CSMD1: variants seen among roughly 807,000 people sequenced by gnomAD.
CSMD1 encodes CUB and sushi domain-containing protein 1.
A neutral mutation model predicts 417.5 loss-of-function variants in CSMD1; 213 were observed. The ratio of observed to expected loss-of-function variants is 0.51; its 90% CI spans 0.46 to 0.57. The LOEUF (loss-of-function observed/expected upper bound fraction) is 0.57, where lower values mean the gene tolerates loss of function less well. CSMD1 is among the 20% of genes least tolerant of loss of function. The probability of loss-of-function intolerance (pLI) is 0.00; values close to 1 mark genes in which losing one functional copy is unlikely to be tolerated. For missense variants in CSMD1, 6,923 were observed against 4,529.7 expected (o/e 1.53, Z -15.17); for synonymous variants, 2,862 against 1,736.8 (o/e 1.65, Z -16.11).
chr8:3,066,664 G>A (rs78805524), intron 49 of CSMD1, among the ~76,000 whole-genome samples: 4,502 of 152,196 alleles, frequency 0.03, 237 homozygotes, highest in African/African-American at 0.1. Context: ...GGACACAATC[G>A]TATTTGTCAA....
chr8:3,368,707 G>C (rs79843407), intron 19 of CSMD1, among the ~76,000 whole-genome samples: 9,188 of 152,160 alleles, frequency 0.06, 466 homozygotes, highest in East Asian at 0.22. Flanking sequence ...CCTAATCCCA[G>C]TGTTTATAAT....
intron 5 of CSMD1, among the ~76,000 whole-genome samples, chr8:3,888,044 G>C (rs917748827): frequency 4.6e-5 from 7 of 152,132 alleles, no homozygotes; most frequent in African/African-American, 1.4e-4. Context: ...ACGTACAAAA[G>C]ATATTGGAAA....
At chr8:3,452,230 G>C (rs1022106031) in intron 12 of CSMD1, among the ~76,000 whole-genome samples, 11 of 152,138 alleles carry the variant, frequency 7.2e-5, no homozygotes, top group African/African-American at 2.7e-4. Context: ...AGACAATGGG[G>C]TTTTCTAAAT....
intron 12 of CSMD1, among the ~76,000 whole-genome samples, chr8:3,445,864 T>A (rs548740325): frequency 6.6e-6 from 1 of 152,224 alleles, no homozygotes; most frequent in South Asian, 2.1e-4. Context: ...TTCAAGATGG[T>A]ATGTTATAGA....
chr8:3,167,348 T>C (rs1187547319), intron 37 of CSMD1, among the ~76,000 whole-genome samples: 11 of 151,384 alleles, frequency 7.3e-5, no homozygotes, highest in Non-Finnish European at 2.9e-5. Flanking sequence ...TCACTTTTAA[T>C]GGCAAAAACC....
intron 10 of CSMD1, among the ~76,000 whole-genome samples, chr8:3,555,681 G>C (rs1799112743): frequency 6.6e-6 from 1 of 152,158 alleles, no homozygotes; most frequent in Non-Finnish European, 1.5e-5. Flanking sequence ...ACTTAAATGT[G>C]AGGGTGCATA....
rs983714974 is a variant in CSMD1, at chr8:4,761,835, G to C, written c.86-124277C>G. 4.1e-5 allele frequency among the ~76,000 whole-genome samples: 5 copies of C among 121,716 alleles called. No homozygotes were observed. The East Asian group carries it at 8.8e-4, about 21-fold the overall frequency. 79.9% of individuals were successfully genotyped at this position (121,716 alleles called of 152,430 possible). On this transcript the variant is annotated intron_variant, in intron 1 of 69. Coordinates refer to ENST00000635120, the MANE Select transcript of CSMD1 (RefSeq NM_033225.6). ...AAATAAAATAGCAAAATAGTACCATGCATCTATCTATCTATCTATCTATCT... is the reference window on the plus strand; with the variant it reads ...AAATAAAATAGCAAAATAGTACCATCCATCTATCTATCTATCTATCTATCT...
intron 11 of CSMD1, among the ~76,000 whole-genome samples, chr8:3,474,039 C>A (rs1377268564): frequency 6.6e-6 from 1 of 152,100 alleles, no homozygotes; most frequent in Non-Finnish European, 1.5e-5. Flanking sequence ...ATGATCCAAA[C>A]ACCTCCCTCA....
In CSMD1 at chr8:3,411,898, G is replaced by A. The variant is rs372442849; in HGVS notation, c.1562-2293C>T. Among the ~76,000 whole-genome samples, 133 of 77,552 alleles carry A rather than the reference G, an allele frequency of 1.7e-3. 7 individuals carry two copies. The highest frequency in any genetic ancestry group is 2.6e-3 in the Non-Finnish European group (84 of 32,628). The allele number at this position is 77,552 out of a possible 152,430, so 50.9% of individuals were successfully genotyped here. ...CGTATATATACACGTATATATGCAC[G>A]TATATATACACGTATATATGCACGT... On this transcript the variant is annotated intron_variant, in intron 12 of 69. Coordinates refer to ENST00000635120, the MANE Select transcript of CSMD1 (RefSeq NM_033225.6).
chr8:3,181,215 CTG>C lies in CSMD1; in HGVS notation c.5621-3_5621-2del. ...TTCAGCAGTGCCGGTACTGTGGTGC[CTG>C]TAAGAAACAATGCAGATAGAATTGT... On this transcript the variant is annotated splice_acceptor_variant and splice_polypyrimidine_tract_variant and intron_variant, in intron 36 of 69. Transcript: ENST00000635120. LOFTEE classifies it high-confidence loss of function. 6.2e-7 allele frequency: 1 copy of C among 1,603,676 alleles called. No individual in the cohort carries two copies. Among genetic ancestry groups the C allele is most frequent in the Non-Finnish European group, 8.5e-7 (1 of 1,171,000 alleles).
chr8:4,123,158 G>C (rs1035862054), intron 3 of CSMD1, among the ~76,000 whole-genome samples: 6 of 152,252 alleles, frequency 3.9e-5, no homozygotes, highest in African/African-American at 1.4e-4. Flanking sequence ...GGCAGTCCAT[G>C]CTGAGATGTT....
intron 1 of CSMD1, among the ~76,000 whole-genome samples, chr8:4,808,738 G>A (rs1798726027): frequency 6.6e-6 from 1 of 152,058 alleles, no homozygotes; most frequent in Non-Finnish European, 1.5e-5. Flanking sequence ...TTGCCTAATG[G>A]GAGAACATTA....
chr8:3,424,530 T>C (rs1375561326), intron 12 of CSMD1, among the ~76,000 whole-genome samples: 1 of 152,218 alleles, frequency 6.6e-6, no homozygotes, highest in Non-Finnish European at 1.5e-5. Context: ...AAAAAATTAC[T>C]TGGCTATTGT....
intron 3 of CSMD1, among the ~76,000 whole-genome samples, chr8:4,070,472 C>G (rs946659296): frequency 6.6e-6 from 1 of 152,182 alleles, no homozygotes; most frequent in Non-Finnish European, 1.5e-5. Context: ...ATTCTCCCAC[C>G]TCAGCCTCCC....
At position 3,682,727 on chromosome 8, in the gene CSMD1, A is replaced by T. The variant is rs1403991633; in HGVS notation, c.1009+25687T>A. On this transcript the variant is annotated intron_variant, in intron 7 of 69. Transcript: ENST00000635120. ...AAAAGATTAAAAATCATGCTGTTAT[A>T]AAGACACATGCACACGTATGTTTAT... is the stretch of plus-strand genomic sequence containing the variant. 2.0e-5 allele frequency among the ~76,000 whole-genome samples: 3 copies of T among 152,240 alleles called. No individual in the cohort carries two copies. The East Asian group carries it at 5.8e-4, about 29-fold the overall frequency.
chr8:3,438,906 AG>A (rs1049692557), intron 12 of CSMD1, among the ~76,000 whole-genome samples: 3 of 151,756 alleles, frequency 2.0e-5, no homozygotes, highest in Admixed American at 6.6e-5. Context: ...ACCTGAGGTT[AG>A]GAGTTCAAGA....
At chr8:4,017,338 T>C (rs2130476655) in intron 4 of CSMD1, among the ~76,000 whole-genome samples, 1 of 152,266 alleles carries the variant, frequency 6.6e-6, no homozygotes, top group African/African-American at 2.4e-5. Context: ...AAAGTTTCGC[T>C]CTTGTTGCCC....
At position 4,143,556 on chromosome 8, in the gene CSMD1, G is replaced by A. The variant is rs540372456; in HGVS notation, c.416-111457C>T. ...TCAAATCTATATTGTATACTTGTAA[G>A]GCTTAGATATGACCCACAGTTGTCA... On this transcript the variant is annotated intron_variant, in intron 3 of 69. Coordinates refer to ENST00000635120, the MANE Select transcript of CSMD1 (RefSeq NM_033225.6). Among the ~76,000 whole-genome samples, 244 of 151,010 alleles carry A rather than the reference G, an allele frequency of 1.6e-3. 19 individuals are homozygous for A. Among genetic ancestry groups the A allele is most frequent in the African/African-American group, 5.9e-3 (239 of 40,398 alleles).
chr8:3,711,338 C>G (rs1430728735), intron 6 of CSMD1, among the ~76,000 whole-genome samples: 1 of 152,152 alleles, frequency 6.6e-6, no homozygotes, highest in Non-Finnish European at 1.5e-5. Context: ...GTGGGCCACC[C>G]AGATCCCCCT....
Sources: gnomAD v4.1 joint callset for allele counts (sites outside exome capture counted in the v4.1 genomes callset) on GRCh38, gnomAD v4.1.1 for gene constraint, MANE v1.5 for transcripts, NCBI Gene and HGNC (gene_info 2026-07-23, HGNC 2026-07-21) for gene names.